Variants in DLG2 observed in about 807,000 individuals in gnomAD.
DLG2 encodes disks large homolog 2.
In DLG2, 45 loss-of-function variants were observed where a neutral mutation model predicts 132.5. The ratio of observed to expected loss-of-function variants is 0.34; its 90% CI spans 0.27 to 0.44. The LOEUF (loss-of-function observed/expected upper bound fraction) is 0.44. DLG2 is among the 20% of genes least tolerant of loss of function. The pLI is 1.00. For missense variants in DLG2, 1,045 were observed against 1,196.9 expected, an observed-to-expected ratio of 0.87 and a Z score of 1.87; for synonymous variants, 424 against 419.6, an observed-to-expected ratio of 1.01 and a Z score of -0.13.
intron 7 of DLG2, among the ~76,000 whole-genome samples, chr11:84,286,670 T>C (rs1216256173): frequency 6.6e-6 from 1 of 152,186 alleles, no homozygotes; most frequent in African/African-American, 2.4e-5. Context: ...CACTCAATTT[T>C]TTCCCTCAAA....
intron 7 of DLG2, among the ~76,000 whole-genome samples, chr11:84,321,088 C>A (rs1013556360): frequency 1.3e-5 from 2 of 152,280 alleles, no homozygotes; most frequent in East Asian, 3.9e-4. Context: ...GAAATTTGTT[C>A]TCATCCTTCA....
chr11:85,492,692 G>A (rs1350282544), intron 3 of DLG2, among the ~76,000 whole-genome samples: 3 of 145,422 alleles, frequency 2.1e-5, no homozygotes, highest in Admixed American at 2.0e-4. Context: ...AAATTGGGAG[G>A]GTATATTTGG....
intron 6 of DLG2, among the ~76,000 whole-genome samples, chr11:84,912,309 C>T (rs2092144395): frequency 6.6e-6 from 1 of 152,180 alleles, no homozygotes; most frequent in Non-Finnish European, 1.5e-5. Flanking sequence ...GCACCCGCCA[C>T]CACGCCCGGC....
rs542476924 is a variant in DLG2 at position 84,243,017 on chromosome 11, C to CTCTCTCTATATA, written c.573+8220_573+8221insTATATAGAGAGA. Among the ~76,000 whole-genome samples the CTCTCTCTATATA allele has an allele frequency of 6.1e-3, 870 of 142,130 alleles. 5 individuals are homozygous for CTCTCTCTATATA. The highest frequency in any genetic ancestry group is 0.014 in the African/African-American group (526 of 38,126). The allele number at this position is 142,130 out of a possible 152,430, so 93.2% of individuals were successfully genotyped here. A position where few individuals can be genotyped will look rare whatever the true frequency, so the allele number is the denominator to read the frequency against. On this transcript the variant is annotated intron_variant, in intron 8 of 27. Transcript: ENST00000376104. ...GTTCTCTCTCTCTCTCTCTCTCTCTCTATATATATATATATATATATACAC... is the reference window on the plus strand; with the variant it reads ...GTTCTCTCTCTCTCTCTCTCTCTCTCTCTCTCTATATATATATATATATATATATATATACAC...
At chr11:85,399,354 C>T (rs893387152) in intron 3 of DLG2, among the ~76,000 whole-genome samples, 51 of 152,192 alleles carry the variant, frequency 3.4e-4, no homozygotes, top group South Asian at 2.3e-3. Context: ...GGCCATACTG[C>T]CCAAGGTAAT....
At chr11:83,643,008 A>G (rs2067025194) in intron 18 of DLG2, among the ~76,000 whole-genome samples, 2 of 152,166 alleles carry the variant, frequency 1.3e-5, no homozygotes, top group Non-Finnish European at 2.9e-5. Context: ...CTGAAGCTTT[A>G]TATTCCCTGT....
intron 6 of DLG2, among the ~76,000 whole-genome samples, chr11:84,833,762 T>C (rs1211509023): frequency 1.3e-5 from 2 of 151,652 alleles, no homozygotes; most frequent in Non-Finnish European, 1.5e-5. Flanking sequence ...TGTTAGCTCA[T>C]GCATTAAGGT....
At chr11:85,165,942 C>T (rs1227663290) in intron 4 of DLG2, among the ~76,000 whole-genome samples, 1 of 152,108 alleles carries the variant, frequency 6.6e-6, no homozygotes, top group Non-Finnish European at 1.5e-5. Flanking sequence ...AAAGCCTGTG[C>T]AGCTAACTAC....
chr11:85,225,019 T>A (rs2074889775), intron 4 of DLG2, among the ~76,000 whole-genome samples: 1 of 152,010 alleles, frequency 6.6e-6, no homozygotes. Flanking sequence ...ACATAAAACC[T>A]CAAGCAGGTT....
intron 3 of DLG2, among the ~76,000 whole-genome samples, chr11:85,460,678 C>G (rs2092579125): frequency 6.6e-6 from 1 of 152,202 alleles, no homozygotes; most frequent in Non-Finnish European, 1.5e-5. Flanking sequence ...CTCCCATGAT[C>G]ACCCCTCACT....
intron 21 of DLG2, among the ~76,000 whole-genome samples, chr11:83,515,312 C>A (rs1354995781): frequency 2.0e-5 from 3 of 152,130 alleles, no homozygotes; most frequent in Non-Finnish European, 4.4e-5. Context: ...AGTCTATTTG[C>A]GTAGAGGTGT....
At position 85,397,260 on chromosome 11, in the gene DLG2, T is replaced by A. The variant is rs142111896; in HGVS notation, c.41-111895A>T. Among the ~76,000 whole-genome samples the A allele has an allele frequency of 2.6e-5, 4 of 152,216 alleles. No individual in the cohort carries two copies. The East Asian group carries it at 7.7e-4, about 29-fold the overall frequency. On this transcript the variant is annotated intron_variant, in intron 3 of 27. Transcript: ENST00000376104. The stretch of plus-strand genomic sequence containing the variant: ...TTTTGTCACCACCAGGCATGCCTTA[T>A]AAGAGCTACTGAAGGAAGCACCAAA...
At chr11:84,765,870 AT>A (rs1265309151) in intron 6 of DLG2, among the ~76,000 whole-genome samples, 1 of 151,948 alleles carries the variant, frequency 6.6e-6, no homozygotes, top group East Asian at 1.9e-4. Context: ...TAGTAAAACA[AT>A]TTAATTCTAT....
chr11:85,075,449 A>G (rs993258277), intron 6 of DLG2, among the ~76,000 whole-genome samples: 1 of 151,924 alleles, frequency 6.6e-6, no homozygotes, highest in African/African-American at 2.4e-5. Flanking sequence ...TAGCCAAACC[A>G]CTTAATAAGC....
intron 5 of DLG2, among the ~76,000 whole-genome samples, chr11:85,132,077 A>G (rs1274790212): frequency 6.6e-6 from 1 of 152,232 alleles, no homozygotes; most frequent in Non-Finnish European, 1.5e-5. Context: ...ACAGAATAAA[A>G]TAAAATGCTT....
intron 4 of DLG2, among the ~76,000 whole-genome samples, chr11:85,168,603 G>C (rs1278266572): frequency 6.6e-6 from 1 of 152,146 alleles, no homozygotes; most frequent in Non-Finnish European, 1.5e-5. Flanking sequence ...GGGAAGAGTA[G>C]AGGGGTCAAA....
chr11:85,520,396 T>A (rs1178900950), intron 3 of DLG2, among the ~76,000 whole-genome samples: 2 of 152,076 alleles, frequency 1.3e-5, no homozygotes, highest in Non-Finnish European at 2.9e-5. Flanking sequence ...GAAGAATCAG[T>A]ATTGTTAAAA....
intron 19 of DLG2, among the ~76,000 whole-genome samples, chr11:83,552,014 G>A (rs571331): frequency 0.7 from 105,692 of 151,998 alleles, 37,063 homozygotes; most frequent in African/African-American, 0.78. Flanking sequence ...AGCATTTACT[G>A]TATGTCAGTG....
intron 17 of DLG2, among the ~76,000 whole-genome samples, chr11:83,808,766 C>A (rs2046542191): frequency 6.6e-6 from 1 of 152,130 alleles, no homozygotes; most frequent in African/African-American, 2.4e-5. Context: ...GCACTGTACA[C>A]CGTACACCAT....
Sources: allele counts gnomAD v4.1 joint callset (sites outside exome capture counted in the v4.1 genomes callset), GRCh38; gene constraint gnomAD v4.1.1; transcripts MANE v1.5; gene names NCBI Gene and HGNC (gene_info 2026-07-23, HGNC 2026-07-21).